The following OVCH2 variants were observed in gnomAD, a reference collection of about 807,000 sequenced individuals.
The protein encoded by OVCH2 is ovochymase-2.
In OVCH2, 88 loss-of-function variants were observed where a neutral mutation model predicts 73.7. The observed-to-expected ratio is 1.19, with a 90% CI of 1.01 to 1.43. The LOEUF (loss-of-function observed/expected upper bound fraction) is 1.43, where lower values mean the gene tolerates loss of function less well. Among genes scored for constraint, OVCH2 ranks in the 40% most tolerant of loss-of-function variants. The pLI, the probability that OVCH2 is intolerant of heterozygous loss-of-function variation, is 0.00. For missense variants in OVCH2, 706 were observed against 674.5 expected (o/e 1.05, Z -0.52); for synonymous variants, 265 against 234.5 (o/e 1.13, Z -1.19).
chr11:7,689,657 CTGTG>C, intron 15 of OVCH2, 55 bp from the exon 16 acceptor site: 1 of 543,146 alleles, frequency 1.8e-6, no homozygotes, highest in Non-Finnish European at 3.5e-6. Flanking sequence ...GATATTCTCC[CTGTG>C]TGTGTATGTC....
At chr11:7,681,808 T>C in the OVCH2 span, among the ~76,000 whole-genome samples, 1 of 121,486 alleles carries the variant, frequency 8.2e-6, no homozygotes, top group Admixed American at 1.1e-4. Context: ...AGATTTGTAA[T>C]AGGAGAAAAG....
downstream of OVCH2, among the ~76,000 whole-genome samples, chr11:7,689,211 T>C (rs1277951167): frequency 6.6e-6 from 1 of 152,210 alleles, no homozygotes; most frequent in Non-Finnish European, 1.5e-5. Flanking sequence ...CTTGATTAGT[T>C]TGAAGGCCCT....
At chr11:7,685,551 G>A (rs1856132924), downstream of OVCH2, among the ~76,000 whole-genome samples, 1 of 150,648 alleles carries the variant, frequency 6.6e-6, no homozygotes, top group South Asian at 2.1e-4. Context: ...TCCTTAGGTT[G>A]TCTTCCAGAC....
downstream of OVCH2, among the ~76,000 whole-genome samples, chr11:7,685,798 G>C (rs564888783): frequency 6.6e-6 from 1 of 152,262 alleles, no homozygotes; most frequent in South Asian, 2.1e-4. Flanking sequence ...ATCTAGCTCA[G>C]CTAGGCATGT....
At chr11:7,684,097 T>C in the OVCH2 span, among the ~76,000 whole-genome samples, 1 of 151,936 alleles carries the variant, frequency 6.6e-6, no homozygotes, top group Non-Finnish European at 1.5e-5. Flanking sequence ...CTGTTGTCTA[T>C]TTTTCTTACT....
intron 7 of OVCH2, chr11:7,699,031 C>A: frequency 2.4e-6 from 1 of 421,280 alleles, no homozygotes; most frequent in South Asian, 2.7e-5. Flanking sequence ...AGGAAGGGGT[C>A]ATTTTACATA....
At chr11:7,697,540 C>T (rs1856360217) in intron 8 of OVCH2, among the ~76,000 whole-genome samples, 1 of 152,174 alleles carries the variant, frequency 6.6e-6, no homozygotes, top group African/African-American at 2.4e-5. Flanking sequence ...TCCCTCAGAA[C>T]TCAATATGCT....
rs1856451392 is a variant in OVCH2 at position 7,702,068 on chromosome 11, C to G, written c.463+89G>C. On this transcript the variant is annotated intron_variant, in intron 4 of 15. Transcript: ENST00000533663. Reference sequence around the variant, plus strand: ...AAATTCCTATCTCAAAGTGCATGACCCAGAACGTATACTGCAGGAAATGTG... The same window carrying G: ...AAATTCCTATCTCAAAGTGCATGACGCAGAACGTATACTGCAGGAAATGTG... 3 of 1,231,972 alleles carry G rather than the reference C, an allele frequency of 2.4e-6. No homozygotes were observed. The South Asian group carries it at 4.1e-5, about 17-fold the overall frequency. 76.3% of individuals were successfully genotyped at this position (1,231,972 alleles called of 1,614,324 possible).
chr11:7,697,813 T>G (rs369752852), intron 8 of OVCH2, among the ~76,000 whole-genome samples: 1 of 152,046 alleles, frequency 6.6e-6, no homozygotes, highest in African/African-American at 2.4e-5. Flanking sequence ...TCCATGCATT[T>G]GTCCCCTCGC....
At chr11:7,688,159 T>G (rs1856163576), downstream of OVCH2, among the ~76,000 whole-genome samples, 1 of 152,136 alleles carries the variant, frequency 6.6e-6, no homozygotes, top group South Asian at 2.1e-4. Context: ...TCAGCCTTTT[T>G]CTTTGGTCTT....
In OVCH2 at chr11:7,700,294, A is replaced by G; in HGVS notation, c.901+2T>C. On this transcript the variant is annotated splice_donor_variant, in intron 7 of 15. Coordinates refer to ENST00000533663, the MANE Select transcript of OVCH2 (RefSeq NM_198185.7). LOFTEE classifies it high-confidence loss of function. Reference sequence around the variant, plus strand: ...CTTAACCTTGTGTGATGGCTTAGTTACCAGTTTGGATGTGTTCGTGGATCC... The same window carrying G: ...CTTAACCTTGTGTGATGGCTTAGTTGCCAGTTTGGATGTGTTCGTGGATCC... 1.2e-6 allele frequency: 2 copies of G among 1,613,080 alleles called. No homozygotes were observed. Among genetic ancestry groups the G allele is most frequent in the Middle Eastern group, 1.7e-4 (1 of 6,056 alleles).
chr11:7,690,738 A>G (rs1324723150), intron 14 of OVCH2, among the ~76,000 whole-genome samples: 2 of 152,102 alleles, frequency 1.3e-5, no homozygotes, highest in Non-Finnish European at 2.9e-5. Context: ...CCGTCATCCT[A>G]TAAACAAATG....
downstream of OVCH2, among the ~76,000 whole-genome samples, chr11:7,685,958 T>A (rs1439709719): frequency 6.6e-6 from 1 of 152,166 alleles, no homozygotes; most frequent in African/African-American, 2.4e-5. Context: ...AAAGGCCAGG[T>A]TGTCATTGAA....
intron 14 of OVCH2, 180 bp downstream of exon 14, chr11:7,691,089 T>A (rs1288432679): frequency 1.4e-6 from 1 of 730,568 alleles, no homozygotes; most frequent in East Asian, 3.0e-5. Context: ...CCTAACCTTG[T>A]ACATTTCCTA....
intron 7 of OVCH2, chr11:7,699,998 CA>C: frequency 3.4e-6 from 1 of 295,468 alleles, no homozygotes; most frequent in Non-Finnish European, 6.3e-6. Context: ...ACTCTGAATC[CA>C]GAGAAGTAAG....
the OVCH2 span, among the ~76,000 whole-genome samples, chr11:7,684,244 C>T: frequency 6.6e-6 from 1 of 151,926 alleles, no homozygotes; most frequent in Non-Finnish European, 1.5e-5. Context: ...GATCTCATGC[C>T]ACATATATTC....
chr11:7,699,939 A>AT (rs5789539), intron 7 of OVCH2: 52,777 of 183,636 alleles, frequency 0.29, 8,524 homozygotes, highest in East Asian at 0.52. Context: ...AGTTTGCTGG[A>AT]TTTTTTTGAG....
At chr11:7,695,027 A>G in intron 12 of OVCH2, 31 bp downstream of exon 12, 3 of 1,539,690 alleles carry the variant, frequency 1.9e-6, no homozygotes, top group Non-Finnish European at 2.6e-6. Context: ...TGAATTTACC[A>G]TAGCTACGTA....
the OVCH2 span, among the ~76,000 whole-genome samples, chr11:7,684,029 A>AATATATATT: frequency 6.7e-6 from 1 of 149,042 alleles, no homozygotes; most frequent in African/African-American, 2.4e-5. Context: ...AAAATATTAA[A>AATATATATT]ATATATATTA....
Sources: allele counts gnomAD v4.1 joint callset (sites outside exome capture counted in the v4.1 genomes callset), GRCh38; gene constraint gnomAD v4.1.1; transcripts MANE v1.5; gene names NCBI Gene and HGNC (gene_info 2026-07-23, HGNC 2026-07-21).